The following MAD1L1 variants were observed in gnomAD, a reference collection of about 807,000 sequenced individuals.
MAD1L1 encodes mitotic spindle assembly checkpoint protein MAD1.
In MAD1L1, 95 loss-of-function variants were observed where a neutral mutation model predicts 96.9. The observed-to-expected ratio is 0.98, with a 90% CI of 0.83 to 1.16. MAD1L1 has a LOEUF of 1.16. Among genes scored for constraint, MAD1L1 ranks in the 50% most tolerant of loss-of-function variants. MAD1L1 has a pLI of 0.00. For synonymous variants in MAD1L1, 473 were observed against 396.6 expected (o/e 1.19, Z -2.29); for missense variants, 1,007 against 954.4 (o/e 1.06, Z -0.73).
chr7:2,173,012 C>T (rs2128596116), intron 10 of MAD1L1, among the ~76,000 whole-genome samples: 1 of 152,374 alleles, frequency 6.6e-6, no homozygotes, highest in South Asian at 2.1e-4. Context: ...ATCTCCTTTT[C>T]TTCCATGTAT....
chr7:2,161,597 G>A lies in MAD1L1; in HGVS notation c.987-12359C>T, dbSNP rs376074656. ...TGGGATGTGAGGAGCCCCTCTGCCC[G>A]ACCGCCCAGTCTGGGAAGTGAGGAG... On this transcript the variant is annotated intron_variant, in intron 10 of 18. Coordinates refer to ENST00000265854, the MANE Select transcript of MAD1L1 (RefSeq NM_001013836.2). Among the ~76,000 whole-genome samples the A allele has an allele frequency of 7.9e-4, 111 of 140,002 alleles. 1 individual carries two copies. The highest frequency in any genetic ancestry group is 9.1e-3 in the Middle Eastern group (2 of 220). 91.8% of individuals were successfully genotyped at this position (140,002 alleles called of 152,430 possible).
rs778388746 is a variant in MAD1L1 at position 1,816,165 on chromosome 7, C to T, written c.2062G>A (p.Glu688Lys). The T allele has an allele frequency of 1.6e-5, 26 of 1,613,294 alleles. No individual in the cohort carries two copies. Among genetic ancestry groups the T allele is most frequent in the South Asian group, 1.5e-4 (14 of 91,062 alleles). Reference sequence around the variant, plus strand: ...CGCCGCAGGTGCACCTCGATGAGCTCGCCCACGGTGTGTGAGAACTCTGTC... The same window carrying T: ...CGCCGCAGGTGCACCTCGATGAGCTTGCCCACGGTGTGTGAGAACTCTGTC... ...LETEFSHTVG[E>K]LIEVHLRRQD... Residue 688 changes from glutamate to lysine, a missense_variant, in exon 19 of 19, where the codon GAG becomes AAG. Coordinates refer to ENST00000265854, the MANE Select transcript of MAD1L1 (RefSeq NM_001013836.2).
chr7:1,955,459 T>A (rs1398079020), intron 16 of MAD1L1, among the ~76,000 whole-genome samples: 1 of 152,054 alleles, frequency 6.6e-6, no homozygotes, highest in Non-Finnish European at 1.5e-5. Flanking sequence ...CCCAGCGAAT[T>A]TTTGTATTTT....
chr7:2,139,844 T>C (rs1177108963), intron 11 of MAD1L1, among the ~76,000 whole-genome samples: 1 of 152,150 alleles, frequency 6.6e-6, no homozygotes, highest in Non-Finnish European at 1.5e-5. Context: ...CCTGAGATGA[T>C]AAAAAACAAT....
Position 2,048,639 on chromosome 7 carries a change from T to C in MAD1L1, c.1218+20555A>G, listed in dbSNP as rs372954670. 1.4e-4 allele frequency among the ~76,000 whole-genome samples: 22 copies of C among 152,360 alleles called. No individual in the cohort carries two copies. In the South Asian group the frequency reaches 1.7e-3, roughly 11 times the overall value. ...CAGGAAGGGGCTGTCCCATAGGATG[T>C]TGAGTGATGGCCAAAAAGTCCCCCT... On this transcript the variant is annotated intron_variant, in intron 12 of 18. Coordinates refer to ENST00000265854, the MANE Select transcript of MAD1L1 (RefSeq NM_001013836.2).
chr7:1,866,348 G>T (rs879608997), intron 18 of MAD1L1, among the ~76,000 whole-genome samples: 19 of 152,192 alleles, frequency 1.2e-4, no homozygotes, highest in African/African-American at 4.6e-4. Flanking sequence ...CCAAGACAAG[G>T]GTGGAGCCTT....
At chr7:1,850,266 G>A (rs1334892653) in intron 18 of MAD1L1, among the ~76,000 whole-genome samples, 1 of 152,144 alleles carries the variant, frequency 6.6e-6, no homozygotes, top group Non-Finnish European at 1.5e-5. Context: ...GGGCCCCTCT[G>A]GACCCACGCC....
At chr7:1,903,125 G>C (rs1787362889) in intron 17 of MAD1L1, among the ~76,000 whole-genome samples, 1 of 151,908 alleles carries the variant, frequency 6.6e-6, no homozygotes, top group South Asian at 2.1e-4. Context: ...GCCTATGGAA[G>C]ACGCTCTTGC....
intron 11 of MAD1L1, among the ~76,000 whole-genome samples, chr7:2,093,467 C>T (rs1400406475): frequency 6.6e-6 from 1 of 152,216 alleles, no homozygotes; most frequent in Non-Finnish European, 1.5e-5. Flanking sequence ...GTCACAGCAG[C>T]TTTCCCTGGG....
chr7:2,222,836 G>A, intron 4 of MAD1L1, 82 bp from the exon 5 acceptor site: 1 of 1,168,218 alleles, frequency 8.6e-7, no homozygotes, highest in African/African-American at 1.6e-5. Context: ...ACCTCTCTCA[G>A]AACATGCCGA....
intron 3 of MAD1L1, among the ~76,000 whole-genome samples, chr7:2,229,509 A>G (rs1007681687): frequency 1.3e-5 from 2 of 152,220 alleles, no homozygotes; most frequent in African/African-American, 2.4e-5. Flanking sequence ...AAATCTGTAA[A>G]TGGCCCTCCA....
intron 12 of MAD1L1, among the ~76,000 whole-genome samples, chr7:2,019,487 C>T (rs1322863913): frequency 1.3e-5 from 2 of 152,372 alleles, no homozygotes; most frequent in East Asian, 1.9e-4. Context: ...CGTCTCTGAA[C>T]CCACCCTCCT....
At chr7:1,969,794 T>C (rs1342286638) in intron 15 of MAD1L1, among the ~76,000 whole-genome samples, 1 of 152,186 alleles carries the variant, frequency 6.6e-6, no homozygotes, top group Non-Finnish European at 1.5e-5. Context: ...CAAAACACTC[T>C]GCAATACATT....
Position 1,906,282 on chromosome 7 carries a change from T to G in MAD1L1, c.1808-7892A>C, listed in dbSNP as rs1273188671. The stretch of plus-strand genomic sequence containing the variant: ...CGGTTGTGTATGCCAACACCGCTCC[T>G]GCTACCCCGTCCAGGATAACCCCGG... On this transcript the variant is annotated intron_variant, in intron 17 of 18. Transcript: ENST00000265854. 3.3e-5 allele frequency among the ~76,000 whole-genome samples: 5 copies of G among 152,290 alleles called. No individual in the cohort carries two copies. In the East Asian group the frequency reaches 9.7e-4, roughly 29 times the overall value.
At chr7:1,820,810 A>T (rs989265891) in intron 18 of MAD1L1, among the ~76,000 whole-genome samples, 2 of 151,918 alleles carry the variant, frequency 1.3e-5, no homozygotes, top group African/African-American at 2.4e-5. Context: ...AAAGATTAAA[A>T]AGGGGGAACG....
At chr7:1,862,297 C>A (rs557571617) in intron 18 of MAD1L1, among the ~76,000 whole-genome samples, 1 of 152,360 alleles carries the variant, frequency 6.6e-6, no homozygotes, top group East Asian at 1.9e-4. Context: ...TGAAATATCT[C>A]CAGATGTTGC....
intron 12 of MAD1L1, among the ~76,000 whole-genome samples, chr7:2,059,695 T>G (rs188056829): frequency 6.6e-6 from 1 of 150,418 alleles, no homozygotes; most frequent in Non-Finnish European, 1.5e-5. Flanking sequence ...CAGGGAAGCG[T>G]AGCCAGGGGA....
chr7:1,946,938 C>T (rs923350188), intron 16 of MAD1L1, among the ~76,000 whole-genome samples: 1 of 152,220 alleles, frequency 6.6e-6, no homozygotes, highest in Non-Finnish European at 1.5e-5. Context: ...GTCTACAGCC[C>T]AAGTCCTGGA....
chr7:2,211,563 G>T (rs752504171), intron 10 of MAD1L1, among the ~76,000 whole-genome samples: 2 of 152,182 alleles, frequency 1.3e-5, no homozygotes, highest in Non-Finnish European at 2.9e-5. Context: ...TTCTCATCTG[G>T]CCAGAGTATG....
Sources: allele counts gnomAD v4.1 joint callset (sites outside exome capture counted in the v4.1 genomes callset), GRCh38; gene constraint gnomAD v4.1.1; transcripts MANE v1.5; gene names NCBI Gene and HGNC (gene_info 2026-07-23, HGNC 2026-07-21).